NALF1: variants seen among roughly 807,000 people sequenced by gnomAD.
The protein encoded by NALF1 is NALCN channel auxiliary factor 1.
In NALF1, 3 loss-of-function variants were observed where a neutral mutation model predicts 48.4. The observed-to-expected ratio is 0.06, with a 90% CI of 0.03 to 0.16. NALF1 has a LOEUF of 0.16. Among genes scored for constraint, NALF1 ranks in the 10% least tolerant of loss-of-function variants. The pLI is 1.00. For synonymous variants in NALF1, 262 were observed against 245.7 expected (o/e 1.07, Z -0.62); for missense variants, 526 against 571.5 (o/e 0.92, Z 0.81).
chr13:107,636,049 G>T (rs1879967373), intron 1 of NALF1, among the ~76,000 whole-genome samples: 1 of 152,108 alleles, frequency 6.6e-6, no homozygotes, highest in South Asian at 2.1e-4. Context: ...TTAGGTTGGT[G>T]CAAAAGTAAT....
intron 1 of NALF1, among the ~76,000 whole-genome samples, chr13:107,578,106 T>C (rs1231856741): frequency 1.3e-5 from 2 of 152,228 alleles, no homozygotes; most frequent in East Asian, 3.9e-4. Context: ...TTTTACTCAT[T>C]GTGTATCCAA....
At chr13:107,714,276 T>C (rs1875684476) in intron 1 of NALF1, among the ~76,000 whole-genome samples, 1 of 152,334 alleles carries the variant, frequency 6.6e-6, no homozygotes, top group Non-Finnish European at 1.5e-5. Context: ...GCTGCAGCGC[T>C]GCTGTCCTTC....
intron 1 of NALF1, among the ~76,000 whole-genome samples, chr13:107,828,548 T>C (rs1365527895): frequency 1.4e-5 from 2 of 147,052 alleles, no homozygotes; most frequent in Admixed American, 7.0e-5. Context: ...TCAGAATAGG[T>C]AGAGAGTCAT....
At chr13:107,261,816 T>C (rs1242335716) in intron 1 of NALF1, among the ~76,000 whole-genome samples, 1 of 152,164 alleles carries the variant, frequency 6.6e-6, no homozygotes, top group Non-Finnish European at 1.5e-5. Flanking sequence ...AAATCACTAA[T>C]TTCATTATCA....
chr13:107,287,688 CTTTCT>C (rs949336747), intron 1 of NALF1, among the ~76,000 whole-genome samples: 11 of 139,032 alleles, frequency 7.9e-5, no homozygotes, highest in African/African-American at 2.2e-4. Context: ...TTTTCTTTTC[CTTTCT>C]TTTCTTTTCT....
At chr13:107,653,427 T>C (rs1880495945) in intron 1 of NALF1, among the ~76,000 whole-genome samples, 1 of 152,056 alleles carries the variant, frequency 6.6e-6, no homozygotes, top group Admixed American at 6.6e-5. Context: ...TTTTAGTCCC[T>C]AGTCATCTAA....
At chr13:107,300,312 C>T (rs568869549) in intron 1 of NALF1, among the ~76,000 whole-genome samples, 1 of 152,310 alleles carries the variant, frequency 6.6e-6, no homozygotes, top group East Asian at 1.9e-4. Context: ...TTAAATTGAT[C>T]TAGAAAATTT....
intron 1 of NALF1, among the ~76,000 whole-genome samples, chr13:107,732,840 T>C (rs1464221534): frequency 6.6e-6 from 1 of 152,164 alleles, no homozygotes; most frequent in African/African-American, 2.4e-5. Context: ...AATCATTGAA[T>C]CTATGCTTCA....
At chr13:107,357,936 G>A (rs1339455914) in intron 1 of NALF1, among the ~76,000 whole-genome samples, 1 of 152,128 alleles carries the variant, frequency 6.6e-6, no homozygotes, top group Admixed American at 6.5e-5. Context: ...TTATCTGCAT[G>A]AACAGTATCA....
chr13:107,414,726 T>C (rs1165720213), intron 1 of NALF1, among the ~76,000 whole-genome samples: 1 of 152,002 alleles, frequency 6.6e-6, no homozygotes, highest in African/African-American at 2.4e-5. Context: ...TGTTATTTAT[T>C]TTTTATCATA....
chr13:107,639,544 C>G (rs1880091925), intron 1 of NALF1, among the ~76,000 whole-genome samples: 1 of 150,960 alleles, frequency 6.6e-6, no homozygotes, highest in Non-Finnish European at 1.5e-5. Context: ...CCTGTCTGTA[C>G]TAGCTGTTCC....
intron 1 of NALF1, among the ~76,000 whole-genome samples, chr13:107,619,469 T>C (rs1181606958): frequency 6.6e-6 from 1 of 152,176 alleles, no homozygotes; most frequent in Non-Finnish European, 1.5e-5. Context: ...GGAACCCTGG[T>C]AATCGGTGGG....
chr13:107,254,702 G>A (rs146149222), intron 1 of NALF1, among the ~76,000 whole-genome samples: 12 of 152,268 alleles, frequency 7.9e-5, no homozygotes, highest in African/African-American at 2.6e-4. Flanking sequence ...TCCTTCAGAC[G>A]CTTGTCATCA....
At chr13:107,641,487 G>A (rs1365040180) in intron 1 of NALF1, among the ~76,000 whole-genome samples, 2 of 152,058 alleles carry the variant, frequency 1.3e-5, no homozygotes, top group African/African-American at 4.8e-5. Flanking sequence ...CACATTGTAT[G>A]CATTTATCAA....
At chr13:107,597,809 G>T (rs1202421237) in intron 1 of NALF1, among the ~76,000 whole-genome samples, 1 of 151,988 alleles carries the variant, frequency 6.6e-6, no homozygotes, top group Admixed American at 6.6e-5. Flanking sequence ...AAAATAAAAA[G>T]TACAATTTAT....
intron 1 of NALF1, among the ~76,000 whole-genome samples, chr13:107,799,779 C>T (rs558594287): frequency 6.6e-5 from 10 of 152,202 alleles, no homozygotes; most frequent in African/African-American, 1.9e-4. Context: ...AGAGCAACCT[C>T]GGGGTTCCAG....
intron 1 of NALF1, among the ~76,000 whole-genome samples, chr13:107,820,905 C>T (rs1879342956): frequency 6.6e-6 from 1 of 152,160 alleles, no homozygotes; most frequent in African/African-American, 2.4e-5. Context: ...TATTGGCAAA[C>T]ATCATCCGGC....
intron 1 of NALF1, among the ~76,000 whole-genome samples, chr13:107,282,175 G>C (rs1027927991): frequency 4.6e-5 from 7 of 152,144 alleles, no homozygotes; most frequent in African/African-American, 1.7e-4. Context: ...CTGCTGGTTT[G>C]AGCAACCTCA....
intron 1 of NALF1, among the ~76,000 whole-genome samples, chr13:107,230,510 T>A (rs150428401): frequency 6.6e-6 from 1 of 152,240 alleles, no homozygotes; most frequent in South Asian, 2.1e-4. Context: ...ATTATTATTA[T>A]TATTATTTTT....
Sources: gnomAD v4.1 joint callset for allele counts (sites outside exome capture counted in the v4.1 genomes callset) on GRCh38, gnomAD v4.1.1 for gene constraint, MANE v1.5 for transcripts, NCBI Gene and HGNC (gene_info 2026-07-23, HGNC 2026-07-21) for gene names.